DNAJC25: variants seen among roughly 807,000 people sequenced by gnomAD.
The protein encoded by DNAJC25 is DnaJ heat shock protein family (Hsp40) member C25, also known as dnaJ homolog subfamily C member 25.
Under a neutral mutation model 42.1 loss-of-function variants are expected in DNAJC25, and 26 were observed. The ratio of observed to expected loss-of-function variants is 0.62; its 90% confidence interval spans 0.45 to 0.86. The LOEUF (loss-of-function observed/expected upper bound fraction) is 0.86, where lower values mean the gene tolerates loss of function less well. Ranked by LOEUF, DNAJC25 falls within the 40% of genes least tolerant of loss-of-function variation. The pLI is 0.00. For missense variants in DNAJC25, 404 were observed against 459.4 expected (o/e 0.88, Z 1.10); for synonymous variants, 189 against 179.9 (o/e 1.05, Z -0.40).
intron 2 of DNAJC25, among the ~76,000 whole-genome samples, chr9:111,648,380 G>T (rs1421516269): frequency 6.6e-6 from 1 of 151,580 alleles, no homozygotes; most frequent in East Asian, 1.9e-4. Flanking sequence ...TCCCACCTCA[G>T]CCTCCTGCAT....
intron 1 of DNAJC25, among the ~76,000 whole-genome samples, chr9:111,642,603 CAATAAATAAATAAATA>C (rs200546212): frequency 3.8e-4 from 41 of 109,266 alleles, no homozygotes; most frequent in African/African-American, 7.5e-4. Context: ...CAAGAATTAT[CAATAAATAAATAAATA>C]AATAAATAAA....
chr9:111,643,102 A>C, intron 1 of DNAJC25: 1 of 324,010 alleles, frequency 3.1e-6, no homozygotes, highest in Non-Finnish European at 6.3e-6. Flanking sequence ...AAGGTAAGAT[A>C]TTAAACTGTT....
chr9:111,637,686 T>C (rs1405277050), intron 1 of DNAJC25, among the ~76,000 whole-genome samples: 1 of 152,242 alleles, frequency 6.6e-6, no homozygotes, highest in African/African-American at 2.4e-5. Context: ...GTTGGAACTG[T>C]TCTTGTTGAG....
chr9:111,641,501 G>A (rs1168771468), intron 1 of DNAJC25, among the ~76,000 whole-genome samples: 3 of 90,686 alleles, frequency 3.3e-5, no homozygotes, highest in Admixed American at 1.1e-4. Context: ...CCCTCTGCCC[G>A]GCCAGCCGCC....
intron 3 of DNAJC25, among the ~76,000 whole-genome samples, chr9:111,650,935 A>G (rs1020518877): frequency 6.6e-6 from 1 of 152,176 alleles, no homozygotes; most frequent in Non-Finnish European, 1.5e-5. Flanking sequence ...ACTTACTGTG[A>G]ATTGCCCGAT....
intron 1 of DNAJC25, chr9:111,642,967 G>T: frequency 2.1e-6 from 1 of 470,756 alleles, no homozygotes; most frequent in South Asian, 1.5e-5. Flanking sequence ...GCTTGTCAAG[G>T]CTCAGGACAG....
chr9:111,635,220 C>T (rs1206655201), intron 1 of DNAJC25, among the ~76,000 whole-genome samples: 1 of 152,208 alleles, frequency 6.6e-6, no homozygotes, highest in Non-Finnish European at 1.5e-5. Context: ...GAGTAGGTCT[C>T]TCTTTCCTAC....
At chr9:111,644,497 AAGAG>A (rs918833499) in intron 1 of DNAJC25, among the ~76,000 whole-genome samples, 2 of 152,196 alleles carry the variant, frequency 1.3e-5, no homozygotes, top group African/African-American at 4.8e-5. Context: ...AGAGAACAAA[AAGAG>A]AAGATAGTCA....
At position 111,631,365 on chromosome 9, in the gene DNAJC25, C is replaced by T. The variant is rs1356716228; in HGVS notation, c.-43C>T. On this transcript the variant is annotated 5_prime_UTR_variant, in exon 1 of 4. Coordinates refer to ENST00000313525, the MANE Select transcript of DNAJC25 (RefSeq NM_001015882.3). ...GACTAGCCGGGCGCGCGGCTGAGTGCTGCAGAATCGCTGGGGTGGCAGAGC... is the reference window on the plus strand; with the variant it reads ...GACTAGCCGGGCGCGCGGCTGAGTGTTGCAGAATCGCTGGGGTGGCAGAGC... 8 of 1,272,300 alleles carry T rather than the reference C, an allele frequency of 6.3e-6. No homozygotes were observed. The highest frequency in any genetic ancestry group is 1.5e-5 in the African/African-American group (1 of 64,524). The allele number at this position is 1,272,300 out of a possible 1,614,324, so 78.8% of individuals were successfully genotyped here.
At chr9:111,640,082 A>G (rs1830427650) in intron 1 of DNAJC25, among the ~76,000 whole-genome samples, 1 of 150,500 alleles carries the variant, frequency 6.6e-6, no homozygotes. Context: ...GATTGCAGGC[A>G]CGCGCCGCCA....
In DNAJC25 at chr9:111,631,599, G is replaced by T; in HGVS notation, c.192G>T (p.Glu64Asp). 1 of 1,481,118 alleles carries T rather than the reference G, an allele frequency of 6.8e-7. No individual in the cohort carries two copies. Among genetic ancestry groups the T allele is most frequent in the Non-Finnish European group, 8.9e-7 (1 of 1,123,940 alleles). 91.7% of individuals were successfully genotyped at this position (1,481,118 alleles called of 1,614,324 possible). A position where few individuals can be genotyped will look rare whatever the true frequency, so the allele number is the denominator to read the frequency against. ...TGAGCCGCTCGGCGGGCAAGGCGGA[G>T]ATCGCGCGGGCCTACCGCCAGCTGG... ...LGVSRSAGKA[E>D]IARAYRQLAR... Residue 64 changes from glutamate (E) to aspartate (D), a missense_variant, in exon 1 of 4, where the codon GAG becomes GAT. By Grantham distance (45) the Glu-to-Asp change is conservative. Transcript: ENST00000313525.
At position 111,647,161 on chromosome 9, in the gene DNAJC25, T is replaced by C. The variant is rs1564086446; in HGVS notation, c.391T>C (p.Tyr131His). 1 of 1,614,188 alleles carries C rather than the reference T, an allele frequency of 6.2e-7. No individual in the cohort carries two copies. The highest frequency in any genetic ancestry group is 8.5e-7 in the Non-Finnish European group (1 of 1,180,026). Residue 131 changes from tyrosine (Y) to histidine (H), a missense_variant, in exon 2 of 4, where the codon TAC becomes CAC. Tyr to His is a moderately conservative substitution (Grantham distance 83). Coordinates refer to ENST00000313525, the MANE Select transcript of DNAJC25 (RefSeq NM_001015882.3). The part of the protein sequence containing the change: ...DYMLDHPEEY[Y>H]SHYYHYYSRR... Reference sequence around the variant, plus strand: ...CATGCTGGATCATCCAGAAGAGTACTACAGCCATTACTACCACTACTATAG... The same window carrying C: ...CATGCTGGATCATCCAGAAGAGTACCACAGCCATTACTACCACTACTATAG...
chr9:111,650,353 C>A (rs1830639916), intron 3 of DNAJC25, among the ~76,000 whole-genome samples: 9 of 150,234 alleles, frequency 6.0e-5, no homozygotes, highest in Admixed American at 5.3e-4. Flanking sequence ...GAGATGACTT[C>A]ATTTCAAAAT....
At chr9:111,643,366 ACTTCTCATT>A (rs754876569) in intron 1 of DNAJC25, among the ~76,000 whole-genome samples, 45 of 152,338 alleles carry the variant, frequency 3.0e-4, no homozygotes, top group Middle Eastern at 3.4e-3. Context: ...ACTTTCCAGA[ACTTCTCATT>A]CTAAGAAAAG....
intron 1 of DNAJC25, chr9:111,642,723 A>G (rs1221432388): frequency 3.7e-6 from 1 of 269,566 alleles, no homozygotes; most frequent in Non-Finnish European, 8.1e-6. Context: ...GATTTCCTTC[A>G]AGGGCAGGAA....
rs897530017 is a variant in DNAJC25, at chr9:111,647,029, A to G, written c.337-78A>G. 21 of 1,396,158 alleles carry G rather than the reference A, an allele frequency of 1.5e-5. No homozygotes were observed. In the South Asian group the frequency reaches 3.5e-4, roughly 23 times the overall value. The allele number at this position is 1,396,158 out of a possible 1,614,324, so 86.5% of individuals were successfully genotyped here. A position where few individuals can be genotyped will look rare whatever the true frequency, so the allele number is the denominator to read the frequency against. ...TAACCTTACATAATTATAAAATTCT[A>G]TATGTGATTTAACAGATTATAAACT... On this transcript the variant is annotated intron_variant, in intron 1 of 3. Transcript: ENST00000313525.
intron 1 of DNAJC25, among the ~76,000 whole-genome samples, chr9:111,646,852 A>G (rs551843060): frequency 6.6e-6 from 1 of 152,268 alleles, no homozygotes; most frequent in Admixed American, 6.5e-5. Flanking sequence ...AAGTGTTTTT[A>G]TTTTTCCAGG....
At chr9:111,645,796 A>C (rs1564086093) in intron 1 of DNAJC25, among the ~76,000 whole-genome samples, 1 of 146,222 alleles carries the variant, frequency 6.8e-6, no homozygotes, top group Non-Finnish European at 1.5e-5. Flanking sequence ...GATAAAAAAA[A>C]CTTTTTTTTT....
intron 1 of DNAJC25, among the ~76,000 whole-genome samples, chr9:111,641,687 A>G (rs1195106445): frequency 1.2e-4 from 12 of 97,222 alleles, no homozygotes; most frequent in African/African-American, 4.8e-4. Flanking sequence ...GGGGGGGGTC[A>G]GCCCCCCTGC....
Sources: gnomAD v4.1 joint callset for allele counts (sites outside exome capture counted in the v4.1 genomes callset) on GRCh38, gnomAD v4.1.1 for gene constraint, MANE v1.5 for transcripts, NCBI Gene and HGNC (gene_info 2026-07-23, HGNC 2026-07-21) for gene names.